SLC16A3: variants seen among roughly 807,000 people sequenced by gnomAD.
SLC16A3 encodes the protein solute carrier family 16 member 3.
Under a neutral mutation model 25.0 loss-of-function variants are expected in SLC16A3, and 22 were observed. The ratio of observed to expected loss-of-function variants is 0.88; its 90% CI spans 0.63 to 1.26. SLC16A3 has a LOEUF of 1.26. Ranked by LOEUF, SLC16A3 falls within the 50% of genes most tolerant of loss-of-function variation. SLC16A3 has a pLI of 0.00. For missense variants in SLC16A3, 731 were observed against 666.6 expected (o/e 1.10, Z -1.06); for synonymous variants, 390 against 309.2 (o/e 1.26, Z -2.74).
Position 82,237,275 on chromosome 17 carries a change from C to T in SLC16A3, c.505C>T (p.Leu169=), listed in dbSNP as rs768255507. ...FLCALSPLGQ[L]LQDRYGWRGG... is the part of the protein sequence containing the mutation. ...GTGTGCCCTGAGCCCGCTGGGGCAG[C>T]TGCTGCAGGACCGCTACGGCTGGCG... The change falls in exon 4 of 5, where the codon CTG becomes TTG. Residue 169 remains leucine (L), a synonymous_variant. Coordinates refer to ENST00000582743, the MANE Select transcript of SLC16A3 (RefSeq NM_004207.4). The T allele has an allele frequency of 7.0e-6, 11 of 1,564,996 alleles. No homozygotes were observed. The South Asian group carries it at 1.1e-4, about 15-fold the overall frequency.
upstream of SLC16A3, among the ~76,000 whole-genome samples, chr17:82,225,267 A>C (rs969078090): frequency 6.6e-6 from 1 of 152,060 alleles, no homozygotes; most frequent in Non-Finnish European, 1.5e-5. Context: ...TCAAAAAAAA[A>C]TAATAATAAT....
chr17:82,238,841 G>A lies in SLC16A3; in HGVS notation c.1263G>A (p.Val421=), dbSNP rs145508371. ...RKKPKEPQPE[V]AAAEEEKLHK... ...AGCCCAAAGAGCCACAGCCTGAGGT[G>A]GCGGCCGCGGAGGAGGAGAAGCTCC... The change falls in exon 5 of 5, where the codon GTG becomes GTA. Residue 421 remains valine (V), a synonymous_variant. Transcript: ENST00000582743. The A allele has an allele frequency of 6.0e-5, 97 of 1,612,606 alleles. No homozygotes were observed. In the Admixed American group the frequency reaches 1.1e-3, roughly 18 times the overall value.
At chr17:82,238,305 C>T (rs745322177) in intron 4 of SLC16A3, among the ~76,000 whole-genome samples, 17 of 152,288 alleles carry the variant, frequency 1.1e-4, no homozygotes, top group African/African-American at 4.1e-4. Flanking sequence ...GCCTGCCTGG[C>T]GAGGGGGTCC....
chr17:82,231,122 A>T (rs1036816319), intron 1 of SLC16A3: 7 of 152,100 alleles, frequency 4.6e-5, no homozygotes, highest in African/African-American at 1.4e-4. Flanking sequence ...TGGCGCGGTC[A>T]CGTCCCCCAC....
intron 1 of SLC16A3, chr17:82,234,172 C>A (rs1204124596): frequency 1.3e-5 from 2 of 152,220 alleles, no homozygotes; most frequent in African/African-American, 4.8e-5. Flanking sequence ...CTTGTAGTTA[C>A]CCTGCTGTAT....
Position 82,236,737 on chromosome 17 carries a change from T to C in SLC16A3, c.232T>C (p.Cys78Arg), listed in dbSNP as rs2050612619. Residue 78 changes from cysteine to arginine, a missense_variant, in exon 3 of 5, where the codon TGC (cysteine) becomes CGC (arginine). By Grantham distance (180) the Cys-to-Arg change is radical. Coordinates refer to ENST00000582743, the MANE Select transcript of SLC16A3 (RefSeq NM_004207.4). Reference sequence around the variant, plus strand: ...GCTGCTGCCCTCTCCAGGTCCGCTCTGCAGTGTGTGCGTGAACCGCTTTGG... The same window carrying C: ...GCTGCTGCCCTCTCCAGGTCCGCTCCGCAGTGTGTGCGTGAACCGCTTTGG... Reference protein sequence around the residue: ...LAMLYGTGPLCSVCVNRFGCR... With the variant: ...LAMLYGTGPLRSVCVNRFGCR... The C allele has an allele frequency of 6.2e-7, 1 of 1,606,830 alleles. No homozygotes were observed. The highest frequency in any genetic ancestry group is 8.5e-7 in the Non-Finnish European group (1 of 1,179,762).
At chr17:82,228,897 G>C (rs1420395388), upstream of SLC16A3, 1 of 150,352 alleles carries the variant, frequency 6.7e-6, no homozygotes, top group Non-Finnish European at 1.5e-5. Flanking sequence ...CGCGCCGTCG[G>C]GGAGCTGCGG....
upstream of SLC16A3, among the ~76,000 whole-genome samples, chr17:82,224,245 TG>T (rs1442424995): frequency 3.9e-4 from 15 of 38,892 alleles, no homozygotes; most frequent in South Asian, 1.6e-3. Flanking sequence ...CCCCTACACC[TG>T]TGCAGTCACC....
At chr17:82,220,838 T>C (rs1435572535) in intron 1 of SLC16A3, among the ~76,000 whole-genome samples, 1 of 152,146 alleles carries the variant, frequency 6.6e-6, no homozygotes, top group Non-Finnish European at 1.5e-5. Context: ...TATTTAGTTT[T>C]AGACAGAGTC....
intron 1 of SLC16A3, chr17:82,233,951 C>T (rs2050545228): frequency 6.6e-6 from 1 of 152,244 alleles, no homozygotes; most frequent in Non-Finnish European, 1.5e-5. Context: ...CGCCATTCTC[C>T]TGCCTCAGCC....
At chr17:82,238,637 G>A (rs1299334640) in intron 4 of SLC16A3, 65 bp from the exon 5 acceptor site, 17 of 1,513,650 alleles carry the variant, frequency 1.1e-5, no homozygotes, top group Admixed American at 1.9e-5. Flanking sequence ...CACAGGCTTG[G>A]GTGGAGCCGT....
At position 82,237,907 on chromosome 17, in the gene SLC16A3, C is replaced by T. The variant is rs755691327; in HGVS notation, c.1123+14C>T. On this transcript the variant is annotated intron_variant, in intron 4 of 4. Transcript: ENST00000582743. ...CCCCTTCGGGAGGTGAGCGCTGCGC[C>T]CCCAGGCAGTTCCCCACACCTGCCC... 11 of 1,593,334 alleles carry T rather than the reference C, an allele frequency of 6.9e-6. No homozygotes were observed. The highest frequency in any genetic ancestry group is 8.5e-7 in the Non-Finnish European group (1 of 1,177,244).
rs1453274379 is a variant in SLC16A3 at position 82,239,873 on chromosome 17, C to T, written c.*897C>T. The stretch of plus-strand genomic sequence containing the variant: ...TTTGCACCCTGTCCTCCATCCAGCC[C>T]GGCCCAGCGCTTGGGCTTGTCCTGG... On this transcript the variant is annotated 3_prime_UTR_variant, in exon 5 of 5. Transcript: ENST00000582743. 9 of 628,596 alleles carry T rather than the reference C, an allele frequency of 1.4e-5. No homozygotes were observed. Among genetic ancestry groups the T allele is most frequent in the Non-Finnish European group, 2.1e-5 (9 of 437,056 alleles). The allele number at this position is 628,596 out of a possible 1,614,324, so 38.9% of individuals were successfully genotyped here. A position where few individuals can be genotyped will look rare whatever the true frequency, so the allele number is the denominator to read the frequency against.
At chr17:82,222,803 CAAAAAA>C (rs34093076) in intron 1 of SLC16A3, among the ~76,000 whole-genome samples, 3 of 104,664 alleles carry the variant, frequency 2.9e-5, no homozygotes, top group Non-Finnish European at 3.8e-5. Flanking sequence ...GACTCCGTCT[CAAAAAA>C]AAAAAAAAAA....
upstream of SLC16A3, among the ~76,000 whole-genome samples, chr17:82,225,613 A>C: frequency 6.6e-6 from 1 of 152,014 alleles, no homozygotes; most frequent in Non-Finnish European, 1.5e-5. Context: ...GCTCGGCCGG[A>C]ATGTCCTTCC....
upstream of SLC16A3, among the ~76,000 whole-genome samples, chr17:82,226,805 C>T (rs748420589): frequency 3.3e-5 from 5 of 152,152 alleles, no homozygotes; most frequent in Non-Finnish European, 5.9e-5. Context: ...GCTCTGGCCC[C>T]ACCCCACAGC....
intron 1 of SLC16A3, among the ~76,000 whole-genome samples, chr17:82,232,926 G>GGGT (rs1555787474): frequency 2.0e-5 from 3 of 151,214 alleles, no homozygotes; most frequent in Non-Finnish European, 4.4e-5. Context: ...GGCGGGGGGG[G>GGGT]GGTTGGTAAA....
intron 1 of SLC16A3, among the ~76,000 whole-genome samples, chr17:82,221,594 C>CAAT (rs1181638794): frequency 6.6e-6 from 1 of 151,396 alleles, no homozygotes; most frequent in Non-Finnish European, 1.5e-5. Flanking sequence ...TGAAACTAAA[C>CAAT]AACAACAACA....
At chr17:82,235,024 C>T (rs2050573769) in intron 1 of SLC16A3, 2 of 152,296 alleles carry the variant, frequency 1.3e-5, no homozygotes, top group Non-Finnish European at 2.9e-5. Flanking sequence ...AAGGTGACTT[C>T]TGGGTGGGGT....
Sources: allele counts gnomAD v4.1 joint callset (sites outside exome capture counted in the v4.1 genomes callset), GRCh38; gene constraint gnomAD v4.1.1; transcripts MANE v1.5; gene names NCBI Gene and HGNC (gene_info 2026-07-23, HGNC 2026-07-21).